FHIP1A: variants seen among roughly 807,000 people sequenced by gnomAD.
The protein encoded by FHIP1A is FHF complex subunit HOOK interacting protein 1A.
FHIP1A carries 61 observed loss-of-function variants against 88.6 expected under a neutral mutation model. That is an observed-to-expected ratio of 0.69 (90% CI 0.56 to 0.85). The LOEUF is 0.85. Ranked by LOEUF, FHIP1A falls within the 40% of genes least tolerant of loss-of-function variation. The pLI is 0.00. For missense variants in FHIP1A, 1,154 were observed against 1,273.5 expected (o/e 0.91, Z 1.43); for synonymous variants, 478 against 496.0 (o/e 0.96, Z 0.48).
intron 1 of FHIP1A, among the ~76,000 whole-genome samples, chr4:151,412,688 T>C (rs1199204980): frequency 0.014 from 417 of 29,224 alleles, 2 homozygotes; most frequent in Admixed American, 0.031. Context: ...TCTTTCTTTC[T>C]TTTTTTTTTT....
At chr4:151,642,697 T>A (rs956702556) in intron 9 of FHIP1A, among the ~76,000 whole-genome samples, 3 of 152,138 alleles carry the variant, frequency 2.0e-5, no homozygotes, top group African/African-American at 7.2e-5. Flanking sequence ...ATGGTCAGTG[T>A]AGCATAGGGC....
chr4:151,644,428 T>C (rs1478364013), intron 9 of FHIP1A, among the ~76,000 whole-genome samples: 2 of 152,100 alleles, frequency 1.3e-5, no homozygotes, highest in Non-Finnish European at 2.9e-5. Flanking sequence ...CATAGCACAC[T>C]GCAGCCTCTA....
Position 151,663,855 on chromosome 4 carries a change from T to A in FHIP1A, c.*1101T>A, listed in dbSNP as rs1036426125. 6.6e-6 allele frequency among the ~76,000 whole-genome samples: 1 copy of A among 152,198 alleles called. No homozygotes were observed. Among genetic ancestry groups the A allele is most frequent in the Admixed American group, 6.5e-5 (1 of 15,282 alleles). ...GAGCCCTGCAAAGCCAAGTGCCTGC[T>A]GGCGACTCACTCTGCATGGAAATGC... On this transcript the variant is annotated 3_prime_UTR_variant, in exon 14 of 14. Coordinates refer to ENST00000435205, the MANE Select transcript of FHIP1A (RefSeq NM_001109977.3).
chr4:151,668,442 A>G lies in FHIP1A; in HGVS notation c.*5688A>G, dbSNP rs1472741991. Reference sequence around the variant, plus strand: ...CCATCTTAGTAATTATTTTAGCAATAATTACTAAAATGTACATGGGGTGGG... The same window carrying G: ...CCATCTTAGTAATTATTTTAGCAATGATTACTAAAATGTACATGGGGTGGG... On this transcript the variant is annotated 3_prime_UTR_variant, in exon 14 of 14. Transcript: ENST00000435205. Among the ~76,000 whole-genome samples, 8 of 152,160 alleles carry G rather than the reference A, an allele frequency of 5.3e-5. No homozygotes were observed. The highest frequency in any genetic ancestry group is 1.9e-4 in the African/African-American group (8 of 41,440).
chr4:151,566,012 T>C lies in FHIP1A; in HGVS notation c.-122-126T>C, dbSNP rs1324237981. 5 of 299,434 alleles carry C rather than the reference T, an allele frequency of 1.7e-5. No homozygotes were observed. In the South Asian group the frequency reaches 1.9e-4, roughly 11 times the overall value. The allele number at this position is 299,434 out of a possible 1,614,324, so 18.5% of individuals were successfully genotyped here. Reference sequence around the variant, plus strand: ...GAGCCTTTAGATTGAGTATAATATCTGTTTTGTAGATTTTTTTCTGTGTTG... The same window carrying C: ...GAGCCTTTAGATTGAGTATAATATCCGTTTTGTAGATTTTTTTCTGTGTTG... On this transcript the variant is annotated intron_variant, in intron 3 of 13. Transcript: ENST00000435205.
intron 3 of FHIP1A, among the ~76,000 whole-genome samples, chr4:151,527,844 G>T (rs910160937): frequency 6.6e-6 from 1 of 152,042 alleles, no homozygotes; most frequent in African/African-American, 2.4e-5. Flanking sequence ...TAGCTTCAAA[G>T]ATTCTGATTT....
intron 7 of FHIP1A, among the ~76,000 whole-genome samples, chr4:151,604,538 G>A (rs1312385887): frequency 6.6e-6 from 1 of 152,060 alleles, no homozygotes; most frequent in African/African-American, 2.4e-5. Flanking sequence ...CTTTCAATTT[G>A]GTCTTACCAA....
At chr4:151,496,606 T>C (rs1031358022) in intron 3 of FHIP1A, among the ~76,000 whole-genome samples, 1 of 152,038 alleles carries the variant, frequency 6.6e-6, no homozygotes, top group African/African-American at 2.4e-5. Flanking sequence ...TAGGGTGCAG[T>C]GGCACAATCT....
chr4:151,578,476 A>G (rs1733896108), intron 5 of FHIP1A, among the ~76,000 whole-genome samples: 1 of 152,212 alleles, frequency 6.6e-6, no homozygotes, highest in Admixed American at 6.5e-5. Flanking sequence ...TTCACAAAGT[A>G]ATTTGTTTCT....
intron 9 of FHIP1A, among the ~76,000 whole-genome samples, chr4:151,641,870 C>T (rs1316629186): frequency 6.6e-6 from 1 of 152,170 alleles, no homozygotes; most frequent in Non-Finnish European, 1.5e-5. Flanking sequence ...TTTGAATATA[C>T]ATGATAAACT....
At chr4:151,472,622 GTTTTTTT>G (rs5862961) in intron 2 of FHIP1A, among the ~76,000 whole-genome samples, 2 of 131,510 alleles carry the variant, frequency 1.5e-5, no homozygotes, top group Non-Finnish European at 3.3e-5. Flanking sequence ...TTGCCTTGCT[GTTTTTTT>G]TTTTTTTTTT....
intron 3 of FHIP1A, among the ~76,000 whole-genome samples, chr4:151,560,674 G>A (rs1326573266): frequency 6.6e-6 from 1 of 152,122 alleles, no homozygotes; most frequent in Non-Finnish European, 1.5e-5. Context: ...AGAGTACAGT[G>A]ATCAGTTGGG....
chr4:151,629,968 C>T (rs1736094876), intron 8 of FHIP1A, 99 bp downstream of exon 8: 8 of 950,064 alleles, frequency 8.4e-6, no homozygotes, highest in South Asian at 3.8e-5. Flanking sequence ...TTTTGCTCTC[C>T]TTTTTTTTTC....
chr4:151,640,455 G>A (rs1736543662), intron 9 of FHIP1A, among the ~76,000 whole-genome samples: 1 of 152,134 alleles, frequency 6.6e-6, no homozygotes, highest in African/African-American at 2.4e-5. Context: ...TAGAACATTA[G>A]TTATCTTTCC....
chr4:151,620,403 T>A (rs1329537189), intron 7 of FHIP1A, among the ~76,000 whole-genome samples: 1 of 152,204 alleles, frequency 6.6e-6, no homozygotes, highest in East Asian at 1.9e-4. Context: ...TATTTCTAAT[T>A]TGCAGAAATG....
intron 3 of FHIP1A, among the ~76,000 whole-genome samples, chr4:151,550,373 C>G (rs1486886357): frequency 1.3e-5 from 2 of 152,148 alleles, no homozygotes; most frequent in African/African-American, 4.8e-5. Context: ...CGCACCTCCC[C>G]CCGAACCCCT....
chr4:151,554,161 T>C (rs1732854090), intron 3 of FHIP1A, among the ~76,000 whole-genome samples: 1 of 152,166 alleles, frequency 6.6e-6, no homozygotes, highest in Non-Finnish European at 1.5e-5. Flanking sequence ...GATGACGCCC[T>C]ACCTCAGTGG....
chr4:151,571,201 T>C (rs984083851), intron 4 of FHIP1A, among the ~76,000 whole-genome samples: 1 of 152,238 alleles, frequency 6.6e-6, no homozygotes, highest in African/African-American at 2.4e-5. Context: ...AGGTCTCTGC[T>C]CTTAGAGCCA....
rs1168548000 is a variant in FHIP1A at position 151,624,368 on chromosome 4, T to G, written c.979-5334T>G. ...GCACCACCACTGCCTGTGGTGTGAG[T>G]GGCACTGCCTCCCACGTGTGCCTCT... On this transcript the variant is annotated intron_variant, in intron 7 of 13. Coordinates refer to ENST00000435205, the MANE Select transcript of FHIP1A (RefSeq NM_001109977.3). Among the ~76,000 whole-genome samples the G allele has an allele frequency of 2.0e-5, 3 of 152,052 alleles. No homozygotes were observed. The East Asian group carries it at 5.8e-4, about 29-fold the overall frequency.
Sources: allele counts gnomAD v4.1 joint callset (sites outside exome capture counted in the v4.1 genomes callset), GRCh38; gene constraint gnomAD v4.1.1; transcripts MANE v1.5; gene names NCBI Gene and HGNC (gene_info 2026-07-23, HGNC 2026-07-21).